SLC9A3: variants seen among roughly 807,000 people sequenced by gnomAD.
The protein encoded by SLC9A3 is sodium/hydrogen exchanger 3.
SLC9A3 carries 37 observed loss-of-function variants against 86.8 expected under a neutral mutation model. The ratio of observed to expected loss-of-function variants is 0.43; its 90% CI spans 0.33 to 0.56. SLC9A3 has a LOEUF of 0.56. Among genes scored for constraint, SLC9A3 ranks in the 20% least tolerant of loss-of-function variants. The pLI, the probability that SLC9A3 is intolerant of heterozygous loss-of-function variation, is 0.06. For missense variants in SLC9A3, 1,011 were observed against 1,171.9 expected, an observed-to-expected ratio of 0.86 and a Z score of 2.00; for synonymous variants, 581 against 528.3, an observed-to-expected ratio of 1.10 and a Z score of -1.37.
intron 1 of SLC9A3, among the ~76,000 whole-genome samples, chr5:495,925 T>G (rs1443645371): frequency 7.8e-6 from 1 of 128,750 alleles, no homozygotes; most frequent in African/African-American, 3.0e-5. Context: ...TCGCCGACCC[T>G]CCCCACGCTC....
chr5:511,765 ACT>A (rs1384361675), intron 1 of SLC9A3, among the ~76,000 whole-genome samples: 1 of 152,134 alleles, frequency 6.6e-6, no homozygotes, highest in Non-Finnish European at 1.5e-5. Flanking sequence ...TGACCAGAAA[ACT>A]CAACGGTCAG....
chr5:486,619 C>A (rs966576559), intron 3 of SLC9A3, among the ~76,000 whole-genome samples: 1 of 152,172 alleles, frequency 6.6e-6, no homozygotes, highest in African/African-American at 2.4e-5. Flanking sequence ...CTGTCATGGG[C>A]CAAATTGTGC....
Position 482,486 on chromosome 5 carries a change from C to G in SLC9A3, c.1356+62G>C. ...GCCTGGAAATGCTTGTCCTGAAGTG[C>G]GGGCCCAGGCTCCCCTCGCGGGCGG... On this transcript the variant is annotated intron_variant, in intron 7 of 16. Transcript: ENST00000264938. The G allele has an allele frequency of 2.0e-5, 27 of 1,369,758 alleles. No homozygotes were observed. The South Asian group carries it at 3.4e-4, about 17-fold the overall frequency. 84.9% of individuals were successfully genotyped at this position (1,369,758 alleles called of 1,614,324 possible). A position where few individuals can be genotyped will look rare whatever the true frequency, so the allele number is the denominator to read the frequency against.
At chr5:485,290 G>A (rs1397020270) in intron 3 of SLC9A3, 59 bp from the exon 4 acceptor site, 2 of 1,404,932 alleles carry the variant, frequency 1.4e-6, no homozygotes, top group Non-Finnish European at 1.0e-6. Context: ...CCCCTCTCCG[G>A]GGCCCGGGCC....
At chr5:482,276 C>T (rs1267680777) in intron 7 of SLC9A3, 119 bp from the exon 8 acceptor site, 16 of 792,074 alleles carry the variant, frequency 2.0e-5, no homozygotes, top group South Asian at 6.6e-5. Flanking sequence ...CCCTGCTCTC[C>T]GGGCACCCAG....
intron 1 of SLC9A3, among the ~76,000 whole-genome samples, chr5:501,976 C>G (rs1560967617): frequency 6.6e-6 from 1 of 152,244 alleles, no homozygotes; most frequent in Non-Finnish European, 1.5e-5. Context: ...CTGCTTCCTG[C>G]CAGATGAAGT....
At chr5:495,251 G>C (rs1739969540) in intron 1 of SLC9A3, among the ~76,000 whole-genome samples, 1 of 152,134 alleles carries the variant, frequency 6.6e-6, no homozygotes, top group African/African-American at 2.4e-5. Context: ...TAGGTTCACA[G>C]CGATCACCAC....
rs1276523156 is a variant in SLC9A3, at chr5:515,602, C to T, written c.211+8510G>A. Among the ~76,000 whole-genome samples, 4 of 151,966 alleles carry T rather than the reference C, an allele frequency of 2.6e-5. No individual in the cohort carries two copies. In the South Asian group the frequency reaches 8.3e-4, roughly 32 times the overall value. The stretch of plus-strand genomic sequence containing the variant: ...CACACGGCCAGAGTGCAAGGACCAC[C>T]TGCTGCTCCTGCTTATCCTCCACAG... On this transcript the variant is annotated intron_variant, in intron 1 of 16. Transcript: ENST00000264938.
chr5:501,761 G>T (rs556636970), intron 1 of SLC9A3, among the ~76,000 whole-genome samples: 1 of 152,214 alleles, frequency 6.6e-6, no homozygotes, highest in African/African-American at 2.4e-5. Flanking sequence ...TAAATGTGTC[G>T]GCCGTCAAGC....
chr5:500,903 G>A (rs1316163022), intron 1 of SLC9A3, among the ~76,000 whole-genome samples: 1 of 151,616 alleles, frequency 6.6e-6, no homozygotes, highest in Non-Finnish European at 1.5e-5. Flanking sequence ...GGGTCGGTGT[G>A]GACGAGGCTG....
intron 1 of SLC9A3, among the ~76,000 whole-genome samples, chr5:506,332 G>C (rs566922104): frequency 6.6e-6 from 1 of 152,188 alleles, no homozygotes; most frequent in Non-Finnish European, 1.5e-5. Flanking sequence ...CGCGGAACCC[G>C]GGCTGCGGAG....
In SLC9A3 at chr5:496,464, C is replaced by T. The variant is rs546124061; in HGVS notation, c.212-4393G>A. On this transcript the variant is annotated intron_variant, in intron 1 of 16. Coordinates refer to ENST00000264938, the MANE Select transcript of SLC9A3 (RefSeq NM_004174.4). The surrounding 1 kb of genome is among the most constrained non-coding windows in gnomAD (Gnocchi z 4.7). ...TGAAAGTGTCGGCTTGCTCCCCTGC[C>T]GGGCACTGATCCTTTCCTATTGACA... Among the ~76,000 whole-genome samples, 8 of 152,352 alleles carry T rather than the reference C, an allele frequency of 5.3e-5. No homozygotes were observed. In the East Asian group the frequency reaches 1.2e-3, roughly 22 times the overall value.
At chr5:480,033 C>CCGG in intron 9 of SLC9A3, 68 bp from the exon 10 acceptor site, 1 of 1,551,246 alleles carries the variant, frequency 6.4e-7, no homozygotes, top group Non-Finnish European at 8.8e-7. Flanking sequence ...GACGCGTGGC[C>CCGG]CGGCCCCTTC....
intron 1 of SLC9A3, among the ~76,000 whole-genome samples, chr5:493,767 G>C (rs1462332299): frequency 3.2e-5 from 1 of 30,976 alleles, no homozygotes; most frequent in Non-Finnish European, 1.0e-4. Context: ...GGGAGGTCCT[G>C]CTGTGGGCCC....
chr5:474,187 G>A (rs1273964658), intron 16 of SLC9A3, among the ~76,000 whole-genome samples: 2 of 133,460 alleles, frequency 1.5e-5, no homozygotes, highest in Non-Finnish European at 3.2e-5. Context: ...GGGTTAGGCG[G>A]GGAGGGAGAG....
Position 477,437 on chromosome 5 carries a change from C to T in SLC9A3, c.1655G>A (p.Arg552His), listed in dbSNP as rs758544114. ...DAISYVAEGE[R>H]RGSLAFIRSP... is the part of the protein sequence containing the mutation. ...GCGGATGAAGGCCAGGGACCCGCGG[C>T]GCTCTCCCTGTGGTCAGGAAGCAGC... Residue 552 changes from arginine (R) to histidine (H), a missense_variant, in exon 11 of 17, where the codon CGC becomes CAC. Transcript: ENST00000264938. The T allele has an allele frequency of 1.6e-5, 25 of 1,611,098 alleles. No homozygotes were observed. The highest frequency in any genetic ancestry group is 2.0e-5 in the Non-Finnish European group (24 of 1,178,912).
chr5:481,493 G>C (rs1233513780), intron 9 of SLC9A3, 72 bp downstream of exon 9: 17 of 1,286,502 alleles, frequency 1.3e-5, no homozygotes, highest in Admixed American at 1.2e-4. Flanking sequence ...TGTGGCTTCT[G>C]GTTCTTCCGA....
chr5:501,807 C>T (rs367997890), intron 1 of SLC9A3, among the ~76,000 whole-genome samples: 10 of 152,242 alleles, frequency 6.6e-5, no homozygotes, highest in African/African-American at 9.6e-5. Flanking sequence ...GGAGGTCCGC[C>T]GTGCGGCCTG....
Position 524,296 on chromosome 5 carries a change from G to A in SLC9A3, c.27C>T (p.Pro9=), listed in dbSNP as rs763750558. 9 of 1,293,012 alleles carry A rather than the reference G, an allele frequency of 7.0e-6. No individual in the cohort carries two copies. The highest frequency in any genetic ancestry group is 2.9e-4 in the Middle Eastern group (1 of 3,470). 80.1% of individuals were successfully genotyped at this position (1,293,012 alleles called of 1,614,324 possible). A position where few individuals can be genotyped will look rare whatever the true frequency, so the allele number is the denominator to read the frequency against. The change falls in exon 1 of 17, where the codon CCC becomes CCT. Residue 9 remains proline (P), a synonymous_variant. Transcript: ENST00000264938. MWGLGARG[P]DRGLLLALAL... ...CCAGCGCCAGCAGCAGCCCCCGGTCGGGGCCCCGGGCCCCGAGTCCCCACA... is the reference window on the plus strand; with the variant it reads ...CCAGCGCCAGCAGCAGCCCCCGGTCAGGGCCCCGGGCCCCGAGTCCCCACA...
Sources: allele counts gnomAD v4.1 joint callset (sites outside exome capture counted in the v4.1 genomes callset), GRCh38; gene constraint gnomAD v4.1.1; non-coding constraint Gnocchi (gnomAD v3.1); transcripts MANE v1.5; gene names NCBI Gene and HGNC (gene_info 2026-07-23, HGNC 2026-07-21).